AKAP11: variants seen among roughly 807,000 people sequenced by gnomAD.
AKAP11 encodes A-kinase anchor protein 11.
A neutral mutation model predicts 146.1 loss-of-function variants in AKAP11; 36 were observed. The ratio of observed to expected loss-of-function variants is 0.25; its 90% CI spans 0.19 to 0.33. The LOEUF (loss-of-function observed/expected upper bound fraction) is 0.33, where lower values mean the gene tolerates loss of function less well. Ranked by LOEUF, AKAP11 falls within the 10% of genes least tolerant of loss-of-function variation. AKAP11 has a pLI of 1.00. For synonymous variants in AKAP11, 780 were observed against 786.5 expected (o/e 0.99, Z 0.14); for missense variants, 2,201 against 2,197.0 (o/e 1.00, Z -0.04).
At chr13:42,314,577 G>T (rs998970225) in intron 11 of AKAP11, among the ~76,000 whole-genome samples, 2 of 151,322 alleles carry the variant, frequency 1.3e-5, no homozygotes, top group African/African-American at 2.4e-5. Flanking sequence ...CATGTTATAA[G>T]ATAATTTATT....
chr13:42,313,825 A>G, intron 10 of AKAP11, 69 bp from the exon 11 acceptor site: 1 of 1,361,618 alleles, frequency 7.3e-7, no homozygotes, highest in South Asian at 1.2e-5. Flanking sequence ...CCACATTTTT[A>G]AGAATTTGTT....
chr13:42,293,936 T>A (rs1162170087), intron 4 of AKAP11, among the ~76,000 whole-genome samples: 1 of 152,218 alleles, frequency 6.6e-6, no homozygotes, highest in African/African-American at 2.4e-5. Flanking sequence ...CTAGGCACTT[T>A]CCTCTACATT....
At position 42,314,043 on chromosome 13, in the gene AKAP11, A is replaced by G. The variant is rs372607990; in HGVS notation, c.5404+103A>G. Reference sequence around the variant, plus strand: ...CAGATAGGCTCTAGGTTATCAGTGTAAAACATTATAAATCAGGGTATTCTT... The same window carrying G: ...CAGATAGGCTCTAGGTTATCAGTGTGAAACATTATAAATCAGGGTATTCTT... On this transcript the variant is annotated intron_variant, in intron 11 of 12. Coordinates refer to ENST00000025301, the MANE Select transcript of AKAP11 (RefSeq NM_016248.4). 1.3e-5 allele frequency: 14 copies of G among 1,115,388 alleles called. No homozygotes were observed. In the East Asian group the frequency reaches 2.7e-4, roughly 21 times the overall value. The allele number at this position is 1,115,388 out of a possible 1,614,324, so 69.1% of individuals were successfully genotyped here.
At chr13:42,312,938 A>G (rs1245863265) in intron 9 of AKAP11, 109 bp from the exon 10 acceptor site, 2 of 832,634 alleles carry the variant, frequency 2.4e-6, no homozygotes, top group African/African-American at 3.5e-5. Context: ...TCACTGTGGC[A>G]GCTTCAGAAC....
rs1479061120 is a variant in AKAP11 at position 42,298,776 on chromosome 13, A to C, written c.595A>C (p.Thr199Pro). 3 of 1,580,052 alleles carry C rather than the reference A, an allele frequency of 1.9e-6. No homozygotes were observed. The highest frequency in any genetic ancestry group is 2.6e-6 in the Non-Finnish European group (3 of 1,170,398). The change falls in exon 7 of 13, where the codon ACT becomes CCT. Residue 199 changes from threonine to proline, a missense_variant. Physicochemically the swap from Thr to Pro is conservative, Grantham distance 38. Around this residue, in one of 3 missense-constraint regions of AKAP11, gnomAD observed 331 missense variants for 347.4 expected, o/e 0.95. Coordinates refer to ENST00000025301, the MANE Select transcript of AKAP11 (RefSeq NM_016248.4). ...TAFEHLEEEE[T>P]SKPYNDGMNI... Reference sequence around the variant, plus strand: ...TTTTGAGCACTTAGAAGAGGAAGAGACTTCAAAGCCATACAATGATGGTTT... The same window carrying C: ...TTTTGAGCACTTAGAAGAGGAAGAGCCTTCAAAGCCATACAATGATGGTTT...
At chr13:42,311,372 A>G (rs1370614339) in intron 9 of AKAP11, among the ~76,000 whole-genome samples, 1 of 152,218 alleles carries the variant, frequency 6.6e-6, no homozygotes, top group Non-Finnish European at 1.5e-5. Flanking sequence ...GGGTGATCAT[A>G]CTTCCCACTT....
At chr13:42,308,140 CCCCA>C (rs1960365168) in intron 8 of AKAP11, among the ~76,000 whole-genome samples, 2 of 152,114 alleles carry the variant, frequency 1.3e-5, no homozygotes, top group African/African-American at 4.8e-5. Context: ...ACTTGTACTG[CCCCA>C]TGGTATCTCA....
At chr13:42,284,001 G>GT (rs1566257603) in intron 1 of AKAP11, among the ~76,000 whole-genome samples, 1 of 152,202 alleles carries the variant, frequency 6.6e-6, no homozygotes, top group Non-Finnish European at 1.5e-5. Context: ...CTGTAGAGGA[G>GT]TGGTGAAGAG....
Position 42,318,459 on chromosome 13 carries a change from C to G in AKAP11, c.5566-629C>G, listed in dbSNP as rs147333285. Among the ~76,000 whole-genome samples the G allele has an allele frequency of 3.6e-3, 544 of 152,256 alleles. 2 individuals carry two copies. The highest frequency in any genetic ancestry group is 0.012 in the African/African-American group (489 of 41,560). The stretch of plus-strand genomic sequence containing the variant: ...AAGTAGTTTTTCAGAATTTAACTTA[C>G]AGATCTTTCAAAACTTAAGAGCTTT... On this transcript the variant is annotated intron_variant, in intron 12 of 12. Coordinates refer to ENST00000025301, the MANE Select transcript of AKAP11 (RefSeq NM_016248.4).
Position 42,302,897 on chromosome 13 carries a change from C to G in AKAP11, c.4151C>G (p.Ala1384Gly), listed in dbSNP as rs1960025361. 6.2e-7 allele frequency: 1 copy of G among 1,613,898 alleles called. No homozygotes were observed. The highest frequency in any genetic ancestry group is 1.3e-5 in the African/African-American group (1 of 75,002). ...RSVKSGLQEA[A>G]KTTKVQCNSR... is the part of the protein sequence containing the mutation. The stretch of plus-strand genomic sequence containing the variant: ...GTTAAATCAGGATTACAGGAAGCAG[C>G]TAAGACAACCAAAGTGCAGTGCAAC... The change falls in exon 8 of 13, where the codon GCT (alanine) becomes GGT (glycine). Residue 1384 changes from alanine to glycine, a missense_variant. Ala to Gly is a moderately conservative substitution (Grantham distance 60). Around this residue, in one of 3 missense-constraint regions of AKAP11, gnomAD observed 1,867 missense variants for 1,833.5 expected, o/e 1.02. Coordinates refer to ENST00000025301, the MANE Select transcript of AKAP11 (RefSeq NM_016248.4).
At position 42,321,321 on chromosome 13, in the gene AKAP11, G is replaced by A. The variant is rs943312716; in HGVS notation, c.*2093G>A. The A allele has an allele frequency of 1.3e-5, 2 of 152,322 alleles. No homozygotes were observed. The highest frequency in any genetic ancestry group is 2.4e-5 in the African/African-American group (1 of 41,442). The allele number at this position is 152,322 out of a possible 1,614,324, so 9.4% of individuals were successfully genotyped here. On this transcript the variant is annotated 3_prime_UTR_variant, in exon 13 of 13. Coordinates refer to ENST00000025301, the MANE Select transcript of AKAP11 (RefSeq NM_016248.4). ...TCTGTTTATGGTGTAATCATTCTGA[G>A]GTGAGGCTTTTCTTATTTCCTTTGC...
chr13:42,297,623 C>CT (rs1300128170), intron 6 of AKAP11, among the ~76,000 whole-genome samples: 1 of 151,780 alleles, frequency 6.6e-6, no homozygotes, highest in East Asian at 1.9e-4. Flanking sequence ...CTGATGTGTT[C>CT]TTTATAAATA....
In AKAP11 at chr13:42,299,397, T is replaced by C. The variant is rs748562323; in HGVS notation, c.651T>C (p.Asp217=). The change falls in exon 8 of 13, where the codon GAT becomes GAC. Residue 217 remains aspartate (D), a synonymous_variant. Transcript: ENST00000025301. ...MNITVLRSQC[D]AASQTVTGHH... Reference sequence around the variant, plus strand: ...TTACTGTGCTAAGGAGCCAGTGTGATGCTGCTTCCCAGACGGTTACTGGTC... The same window carrying C: ...TTACTGTGCTAAGGAGCCAGTGTGACGCTGCTTCCCAGACGGTTACTGGTC... 33 of 1,613,746 alleles carry C rather than the reference T, an allele frequency of 2.0e-5. No individual in the cohort carries two copies. Among genetic ancestry groups the C allele is most frequent in the Non-Finnish European group, 2.8e-5 (33 of 1,179,770 alleles).
chr13:42,281,710 T>C (rs529461879), intron 1 of AKAP11, among the ~76,000 whole-genome samples: 270 of 152,232 alleles, frequency 1.8e-3, no homozygotes, highest in Non-Finnish European at 2.9e-3. Flanking sequence ...ATGTCTTCTT[T>C]TATATTACAT....
rs1961139961 is a variant in AKAP11, at chr13:42,322,789, C to A, written c.*3561C>A. The A allele has an allele frequency of 6.6e-6, 1 of 152,334 alleles. No individual in the cohort carries two copies. Among genetic ancestry groups the A allele is most frequent in the South Asian group, 2.1e-4 (1 of 4,816 alleles). 9.4% of individuals were successfully genotyped at this position (152,334 alleles called of 1,614,324 possible). A position where few individuals can be genotyped will look rare whatever the true frequency, so the allele number is the denominator to read the frequency against. On this transcript the variant is annotated 3_prime_UTR_variant, in exon 13 of 13. Transcript: ENST00000025301. ...TATTTATTTATTGGTTTTTTTTTAA[C>A]CATCTGTGTACATTCCTTTCATAGG...
At chr13:42,277,267 CTG>C (rs1253035699) in intron 1 of AKAP11, among the ~76,000 whole-genome samples, 1 of 152,172 alleles carries the variant, frequency 6.6e-6, no homozygotes, top group Non-Finnish European at 1.5e-5. Flanking sequence ...TTTCTTAAAA[CTG>C]TATTCAAATG....
rs200385224 is a variant in AKAP11 at position 42,321,456 on chromosome 13, CACTT to C, written c.*2231_*2234del. The C allele has an allele frequency of 9.0e-3, 1,370 of 152,380 alleles. 21 individuals carry two copies. The highest frequency in any genetic ancestry group is 0.03 in the African/African-American group (1,257 of 41,526). The allele number at this position is 152,380 out of a possible 1,614,324, so 9.4% of individuals were successfully genotyped here. A position where few individuals can be genotyped will look rare whatever the true frequency, so the allele number is the denominator to read the frequency against. Reference sequence around the variant, plus strand: ...TGGTAATAATAATAGTGGAACTTCACACTTACATCAATTCAGTGCAGGGGCATAG... The same window carrying C: ...TGGTAATAATAATAGTGGAACTTCACACATCAATTCAGTGCAGGGGCATAG... On this transcript the variant is annotated 3_prime_UTR_variant, in exon 13 of 13. Transcript: ENST00000025301.
At chr13:42,316,980 C>T (rs1244318043) in intron 11 of AKAP11, among the ~76,000 whole-genome samples, 3 of 152,086 alleles carry the variant, frequency 2.0e-5, no homozygotes, top group Admixed American at 2.0e-4. Context: ...TGGGTTCCAG[C>T]GATTCTTGTG....
At chr13:42,295,567 GA>G in intron 4 of AKAP11, 127 bp from the exon 5 acceptor site, 1 of 858,000 alleles carries the variant, frequency 1.2e-6, no homozygotes. Context: ...GGTCATCTTT[GA>G]AAAAAATCCT....
Sources: gnomAD v4.1 joint callset for allele counts (sites outside exome capture counted in the v4.1 genomes callset) on GRCh38, gnomAD v4.1.1 for gene constraint, gnomAD v4.1.1 regional missense constraint, MANE v1.5 for transcripts, NCBI Gene and HGNC (gene_info 2026-07-23, HGNC 2026-07-21) for gene names.